Variants in ARHGAP42 observed in about 807,000 individuals in gnomAD.
ARHGAP42 encodes the protein rho GTPase-activating protein 42.
ARHGAP42 carries 63 observed loss-of-function variants against 125.0 expected under a neutral mutation model. That is an observed-to-expected ratio of 0.50 (90% CI 0.41 to 0.62). The LOEUF (loss-of-function observed/expected upper bound fraction) is 0.62, where lower values mean the gene tolerates loss of function less well. ARHGAP42 is among the 20% of genes least tolerant of loss of function. The probability of loss-of-function intolerance (pLI) is 0.00; values close to 1 mark genes in which losing one functional copy is unlikely to be tolerated. For synonymous variants in ARHGAP42, 339 were observed against 351.0 expected (o/e 0.97, Z 0.38); for missense variants, 766 against 1,024.2 (o/e 0.75, Z 3.44).
At position 100,980,559 on chromosome 11, in the gene ARHGAP42, C is replaced by CTTTTTTTTTTTTTTTTTTTTTTT. The variant is rs763302463; in HGVS notation, c.2456+1518_2456+1540dup. Among the ~76,000 whole-genome samples, 23 of 51,952 alleles carry CTTTTTTTTTTTTTTTTTTTTTTT rather than the reference C, an allele frequency of 4.4e-4. 3 individuals carry two copies. The highest frequency in any genetic ancestry group is 3.4e-3 in the East Asian group (4 of 1,164). 34.1% of individuals were successfully genotyped at this position (51,952 alleles called of 152,430 possible). On this transcript the variant is annotated intron_variant, in intron 22 of 23. Coordinates refer to ENST00000298815, the MANE Select transcript of ARHGAP42 (RefSeq NM_152432.4). ...TCAAATCATACTTCTTTTTCTTCTT[C>CTTTTTTTTTTTTTTTTTTTTTTT]TTTTTTTTTTTTTTTTTTTTTTTTT...
At chr11:100,894,022 C>T (rs1341882215) in intron 4 of ARHGAP42, among the ~76,000 whole-genome samples, 2 of 152,080 alleles carry the variant, frequency 1.3e-5, no homozygotes, top group African/African-American at 2.4e-5. Context: ...TTTATTTTTT[C>T]TTTGCAATCC....
chr11:100,929,199 G>A (rs1321289113), intron 6 of ARHGAP42, among the ~76,000 whole-genome samples: 2 of 152,222 alleles, frequency 1.3e-5, no homozygotes, highest in African/African-American at 4.8e-5. Flanking sequence ...ATTCTCATAA[G>A]GAGCAGGCAA....
At position 100,991,812 on chromosome 11, in the gene ARHGAP42, A is replaced by G. The variant is rs1371850504; in HGVS notation, c.*3011A>G. 1.3e-5 allele frequency: 2 copies of G among 153,548 alleles called. No homozygotes were observed. The allele number at this position is 153,548 out of a possible 1,614,324, so 9.5% of individuals were successfully genotyped here. On this transcript the variant is annotated 3_prime_UTR_variant, in exon 24 of 24. Transcript: ENST00000298815. ...GTGCTTTGTAACTTGCATGAACACA[A>G]CCAGGTTTCTCAACAATGATTTGTC...
chr11:100,987,843 A>AAATT (rs1555038453), intron 23 of ARHGAP42, among the ~76,000 whole-genome samples: 30 of 146,532 alleles, frequency 2.0e-4, no homozygotes, highest in Admixed American at 1.8e-3. Flanking sequence ...ATAAATAAAT[A>AAATT]AATAGGCCAG....
intron 1 of ARHGAP42, among the ~76,000 whole-genome samples, chr11:100,766,640 G>T (rs1306694480): frequency 6.6e-6 from 1 of 152,196 alleles, no homozygotes; most frequent in Admixed American, 6.5e-5. Flanking sequence ...GTCAGTAGGA[G>T]ATGGAGCCAA....
intron 4 of ARHGAP42, among the ~76,000 whole-genome samples, chr11:100,909,773 T>G (rs1387988253): frequency 6.6e-6 from 1 of 152,240 alleles, no homozygotes; most frequent in Non-Finnish European, 1.5e-5. Context: ...CAGCATCATT[T>G]ATTGAATAGG....
intron 6 of ARHGAP42, among the ~76,000 whole-genome samples, chr11:100,921,814 G>A (rs901149034): frequency 1.2e-4 from 19 of 152,190 alleles, no homozygotes; most frequent in African/African-American, 2.9e-4. Context: ...TGAGAATACC[G>A]TTATATGTTT....
intron 3 of ARHGAP42, among the ~76,000 whole-genome samples, chr11:100,838,328 A>G (rs1431573552): frequency 2.0e-5 from 3 of 152,126 alleles, no homozygotes; most frequent in Admixed American, 1.3e-4. Context: ...TGAAATTAGT[A>G]AGTCCTTTGT....
rs537967140 is a variant in ARHGAP42 at position 100,736,476 on chromosome 11, T to G, written c.155-33867T>G. Among the ~76,000 whole-genome samples, 145 of 152,312 alleles carry G rather than the reference T, an allele frequency of 9.5e-4. 1 individual carries two copies. The highest frequency in any genetic ancestry group is 3.2e-4 in the Non-Finnish European group (22 of 68,038). ...ATGCCTGGTGGACAAATCATGGGACTGCTACCACCATCTTATCAAACGTGA... is the reference window on the plus strand; with the variant it reads ...ATGCCTGGTGGACAAATCATGGGACGGCTACCACCATCTTATCAAACGTGA... On this transcript the variant is annotated intron_variant, in intron 1 of 23. Transcript: ENST00000298815.
intron 3 of ARHGAP42, among the ~76,000 whole-genome samples, chr11:100,847,139 C>A (rs921756255): frequency 4.6e-5 from 7 of 152,182 alleles, no homozygotes; most frequent in African/African-American, 1.4e-4. Context: ...CACTAACAAC[C>A]TCCACCTGGC....
rs544419486 is a variant in ARHGAP42, at chr11:100,964,416, C to T, written c.1445-1255C>T. 2.5e-3 allele frequency among the ~76,000 whole-genome samples: 373 copies of T among 152,232 alleles called. 3 individuals are homozygous for T. Among genetic ancestry groups the T allele is most frequent in the Non-Finnish European group, 4.9e-4 (33 of 68,020 alleles). The stretch of plus-strand genomic sequence containing the variant: ...TACATTATCTGCCTTTTCACATATG[C>T]GGAAAGATCAGATTTTTGATGTCTC... On this transcript the variant is annotated intron_variant, in intron 16 of 23. Transcript: ENST00000298815.
At chr11:100,820,606 A>AT (rs1864381995) in intron 3 of ARHGAP42, among the ~76,000 whole-genome samples, 1 of 152,142 alleles carries the variant, frequency 6.6e-6, no homozygotes, top group Admixed American at 6.6e-5. Flanking sequence ...CAAATTTATG[A>AT]TATTGCAGAG....
intron 2 of ARHGAP42, among the ~76,000 whole-genome samples, chr11:100,788,907 C>T (rs755872733): frequency 5.3e-4 from 81 of 152,252 alleles, no homozygotes; most frequent in Middle Eastern, 3.4e-3. Context: ...TTAAGACTCT[C>T]TCAGTGGAAG....
intron 3 of ARHGAP42, among the ~76,000 whole-genome samples, chr11:100,850,560 A>G (rs1045256427): frequency 2.0e-5 from 3 of 152,128 alleles, no homozygotes; most frequent in Non-Finnish European, 4.4e-5. Flanking sequence ...TGTGTTATGT[A>G]TTTATTCAAA....
At chr11:100,735,892 A>G (rs1862057836) in intron 1 of ARHGAP42, among the ~76,000 whole-genome samples, 1 of 152,164 alleles carries the variant, frequency 6.6e-6, no homozygotes, top group Non-Finnish European at 1.5e-5. Context: ...TTGGGATTAC[A>G]GGCGTGAGCT....
intron 1 of ARHGAP42, among the ~76,000 whole-genome samples, chr11:100,706,310 GA>G (rs1861482272): frequency 1.3e-5 from 2 of 152,152 alleles, no homozygotes; most frequent in Non-Finnish European, 2.9e-5. Flanking sequence ...TCAGGAGATG[GA>G]CACATGATAT....
At chr11:100,785,361 C>A (rs527654468) in intron 2 of ARHGAP42, among the ~76,000 whole-genome samples, 3 of 152,070 alleles carry the variant, frequency 2.0e-5, no homozygotes, top group Admixed American at 6.6e-5. Flanking sequence ...GGTAGAAAGA[C>A]GAGAATTCTT....
chr11:100,922,340 A>G (rs1409268030), intron 6 of ARHGAP42, among the ~76,000 whole-genome samples: 2 of 152,136 alleles, frequency 1.3e-5, no homozygotes, highest in East Asian at 3.9e-4. Flanking sequence ...ACAGAAAAGA[A>G]CAGGTGGCTG....
chr11:100,794,906 A>G (rs955961836), intron 2 of ARHGAP42, among the ~76,000 whole-genome samples, 199 bp from the exon 3 acceptor site: 6 of 152,164 alleles, frequency 3.9e-5, no homozygotes, highest in African/African-American at 1.2e-4. Context: ...CATAGCTGTT[A>G]GTGATTAGGA....
Sources: allele counts gnomAD v4.1 joint callset (sites outside exome capture counted in the v4.1 genomes callset), GRCh38; gene constraint gnomAD v4.1.1; transcripts MANE v1.5; gene names NCBI Gene and HGNC (gene_info 2026-07-23, HGNC 2026-07-21).